The following DCPH1 variants were observed in gnomAD, a reference collection of about 807,000 sequenced individuals.
DCPH1 encodes damage control phosphatase 1.
the DCPH1 span, among the ~76,000 whole-genome samples, chr6:151,453,920 A>AT: frequency 5.3e-4 from 81 of 152,212 alleles, no homozygotes; most frequent in Non-Finnish European, 9.1e-4. Context: ...AAAATCTCTG[A>AT]TTTTTTGAGT....
At chr6:151,459,152 TAAAG>T in the DCPH1 span, among the ~76,000 whole-genome samples, 1 of 151,980 alleles carries the variant, frequency 6.6e-6, no homozygotes, top group Non-Finnish European at 1.5e-5. Context: ...AATAGATAAA[TAAAG>T]CGTGAATTAA....
the DCPH1 span, among the ~76,000 whole-genome samples, chr6:151,465,148 C>G: frequency 2.0e-5 from 3 of 152,156 alleles, no homozygotes; most frequent in Admixed American, 6.5e-5. Flanking sequence ...TGATAATACT[C>G]GGGTATTCAG....
At chr6:151,454,951 A>G in the DCPH1 span, among the ~76,000 whole-genome samples, 1 of 152,232 alleles carries the variant, frequency 6.6e-6, no homozygotes, top group Non-Finnish European at 1.5e-5. Context: ...TAGTCAAGTG[A>G]CTAAGCAATT....
chr6:151,468,300 T>C, the DCPH1 span: 1 of 1,386,502 alleles, frequency 7.2e-7, no homozygotes, highest in Non-Finnish European at 9.8e-7. Context: ...TTTTGTTGGC[T>C]ATTCAGAAGA....
At chr6:151,461,631 G>A in the DCPH1 span, among the ~76,000 whole-genome samples, 2 of 152,096 alleles carry the variant, frequency 1.3e-5, no homozygotes, top group African/African-American at 4.8e-5. Flanking sequence ...AGATTGTGCC[G>A]TTGTACTCCA....
the DCPH1 span, chr6:151,468,698 AAC>A: frequency 1.9e-6 from 3 of 1,614,176 alleles, no homozygotes; most frequent in Non-Finnish European, 2.5e-6. Flanking sequence ...GAACAGGTAA[AAC>A]ACAGTAATCA....
the DCPH1 span, among the ~76,000 whole-genome samples, chr6:151,461,823 T>G: frequency 6.6e-6 from 1 of 152,202 alleles, no homozygotes; most frequent in Non-Finnish European, 1.5e-5. Context: ...TTAAATGGGA[T>G]AGAGGGAACA....
At chr6:151,461,475 A>T in the DCPH1 span, among the ~76,000 whole-genome samples, 1 of 152,218 alleles carries the variant, frequency 6.6e-6, no homozygotes, top group Non-Finnish European at 1.5e-5. Context: ...GTGTGAGATC[A>T]GCCTGGCCAA....
the DCPH1 span, chr6:151,458,422 A>T: frequency 2.5e-6 from 4 of 1,613,670 alleles, no homozygotes; most frequent in Non-Finnish European, 3.4e-6. Context: ...TTGGTTGAGA[A>T]ATTTGTTGAT....
the DCPH1 span, chr6:151,468,630 A>C: frequency 2.5e-6 from 4 of 1,614,114 alleles, no homozygotes; most frequent in African/African-American, 1.3e-5. Context: ...ATTTTTATGG[A>C]AAAACAATTC....
the DCPH1 span, among the ~76,000 whole-genome samples, chr6:151,455,783 C>A: frequency 6.6e-6 from 1 of 152,136 alleles, no homozygotes; most frequent in Admixed American, 6.5e-5. Context: ...GGGGGACGGT[C>A]AGGTCTTTCC....
At chr6:151,464,076 G>T in the DCPH1 span, among the ~76,000 whole-genome samples, 2 of 152,088 alleles carry the variant, frequency 1.3e-5, no homozygotes, top group African/African-American at 4.8e-5. Flanking sequence ...CTATACATTT[G>T]TTACTGGAAC....
the DCPH1 span, among the ~76,000 whole-genome samples, chr6:151,456,276 ATTTTT>A: frequency 8.7e-4 from 132 of 152,130 alleles, no homozygotes; most frequent in African/African-American, 3.1e-3. Flanking sequence ...ATACCAGTAC[ATTTTT>A]TTTGAGAGTT....
chr6:151,458,555 T>A, the DCPH1 span: 1 of 1,610,508 alleles, frequency 6.2e-7, no homozygotes, highest in Non-Finnish European at 8.5e-7. Flanking sequence ...GAAGAATTCA[T>A]GAAGCAATTA....
chr6:151,465,439 T>C, the DCPH1 span, among the ~76,000 whole-genome samples: 354 of 152,232 alleles, frequency 2.3e-3, 2 homozygotes, highest in Middle Eastern at 0.01. Flanking sequence ...CCATGGAGGC[T>C]GAGGCCACAG....
the DCPH1 span, among the ~76,000 whole-genome samples, chr6:151,462,500 A>G: frequency 2.0e-5 from 3 of 152,218 alleles, no homozygotes; most frequent in Non-Finnish European, 4.4e-5. Context: ...ATATGTTACA[A>G]TATAATTATA....
At chr6:151,456,811 T>A in the DCPH1 span, among the ~76,000 whole-genome samples, 1 of 152,232 alleles carries the variant, frequency 6.6e-6, no homozygotes, top group African/African-American at 2.4e-5. Flanking sequence ...CCACTGTGCC[T>A]GGCCCCATAA....
chr6:151,468,782 A>G, the DCPH1 span: 127 of 1,613,852 alleles, frequency 7.9e-5, no homozygotes, highest in Non-Finnish European at 1.1e-4. Flanking sequence ...TACCACAATC[A>G]TATATTTTGG....
the DCPH1 span, chr6:151,468,574 A>G: frequency 0.035 from 57,079 of 1,613,922 alleles, 1,168 homozygotes; most frequent in Non-Finnish European, 0.04. Context: ...TACAGATTTA[A>G]TATTAGCCGA....
Sources: allele counts gnomAD v4.1 joint callset (sites outside exome capture counted in the v4.1 genomes callset), GRCh38; gene constraint gnomAD v4.1.1; transcripts MANE v1.5; gene names NCBI Gene and HGNC (gene_info 2026-07-23, HGNC 2026-07-21).